The following TMEM177 variants were observed in gnomAD, a reference collection of about 807,000 sequenced individuals.
TMEM177 encodes transmembrane protein 177.
A neutral mutation model predicts 14.2 loss-of-function variants in TMEM177; 4 were observed. The observed-to-expected ratio is 0.28, with a 90% CI of 0.14 to 0.64. The LOEUF (loss-of-function observed/expected upper bound fraction) is 0.64, where lower values mean the gene tolerates loss of function less well. Among genes scored for constraint, TMEM177 ranks in the 30% least tolerant of loss-of-function variants. The probability of loss-of-function intolerance (pLI) is 0.82; values close to 1 mark genes in which losing one functional copy is unlikely to be tolerated. For missense variants in TMEM177, 344 were observed against 405.2 expected (o/e 0.85, Z 1.30); for synonymous variants, 179 against 174.5 (o/e 1.03, Z -0.20).
chr2:119,698,414 G>A, the TMEM177 span, among the ~76,000 whole-genome samples: 1 of 152,134 alleles, frequency 6.6e-6, no homozygotes, highest in Non-Finnish European at 1.5e-5. Flanking sequence ...TCAGCACACC[G>A]AAGCACCATA....
the TMEM177 span, among the ~76,000 whole-genome samples, chr2:119,693,830 A>G: frequency 3.0e-5 from 4 of 135,184 alleles, no homozygotes; most frequent in Admixed American, 7.6e-5. Context: ...ACACACAAAC[A>G]TACCACATAC....
the TMEM177 span, among the ~76,000 whole-genome samples, chr2:119,694,087 C>A: frequency 1.3e-5 from 2 of 148,684 alleles, no homozygotes; most frequent in Non-Finnish European, 3.0e-5. Flanking sequence ...ATACACACCA[C>A]ACACATGGCA....
At chr2:119,717,753 C>T in the TMEM177 span, among the ~76,000 whole-genome samples, 56 of 152,074 alleles carry the variant, frequency 3.7e-4, no homozygotes, top group African/African-American at 8.9e-4. Flanking sequence ...AGATTACAGG[C>T]GTGCGCCACC....
chr2:119,712,511 C>G, the TMEM177 span, among the ~76,000 whole-genome samples: 1 of 152,080 alleles, frequency 6.6e-6, no homozygotes, highest in African/African-American at 2.4e-5. Flanking sequence ...CACAGAGACA[C>G]CAGGGATGCA....
At chr2:119,698,016 A>C in the TMEM177 span, among the ~76,000 whole-genome samples, 7 of 152,166 alleles carry the variant, frequency 4.6e-5, no homozygotes, top group Admixed American at 4.6e-4. Context: ...TAAAAAGCAG[A>C]CAATAGCCTG....
chr2:119,722,291 C>T, the TMEM177 span, among the ~76,000 whole-genome samples: 1 of 150,766 alleles, frequency 6.6e-6, no homozygotes, highest in Non-Finnish European at 1.5e-5. Context: ...GATACGTGGA[C>T]ATATCACTTG....
the TMEM177 span, among the ~76,000 whole-genome samples, chr2:119,702,644 ACTTTT>A: frequency 2.6e-5 from 4 of 152,186 alleles, no homozygotes; most frequent in Non-Finnish European, 5.9e-5. Context: ...AAATAAAGTT[ACTTTT>A]CTTATTCACC....
chr2:119,700,887 C>G, the TMEM177 span, among the ~76,000 whole-genome samples: 1 of 152,204 alleles, frequency 6.6e-6, no homozygotes, highest in Non-Finnish European at 1.5e-5. Flanking sequence ...GTTTTGAGAT[C>G]TTTACATGCA....
At position 119,680,981 on chromosome 2, in the gene TMEM177, A is replaced by T. The variant is rs558166144; in HGVS notation, c.128A>T (p.Gln43Leu). 19 of 1,614,154 alleles carry T rather than the reference A, an allele frequency of 1.2e-5. No homozygotes were observed. The highest frequency in any genetic ancestry group is 1.5e-5 in the Non-Finnish European group (18 of 1,180,018). The change falls in exon 2 of 2, where the codon CAA (glutamine) becomes CTA (leucine). Residue 43 changes from glutamine (Q) to leucine (L), a missense_variant. Transcript: ENST00000272521. ...CACCTCTTCCCGGATCCCGTGGTCCAATGGCTCTACCAGTACTGGCCTCAG... is the reference window on the plus strand; with the variant it reads ...CACCTCTTCCCGGATCCCGTGGTCCTATGGCTCTACCAGTACTGGCCTCAG... ...SYHLFPDPVV[Q>L]WLYQYWPQGQ...
At chr2:119,705,958 A>G in the TMEM177 span, among the ~76,000 whole-genome samples, 1 of 124,730 alleles carries the variant, frequency 8.0e-6, no homozygotes, top group East Asian at 2.3e-4. Flanking sequence ...AATTGTGACA[A>G]TGCCAGGAAT....
chr2:119,702,322 C>T, the TMEM177 span, among the ~76,000 whole-genome samples: 1 of 152,150 alleles, frequency 6.6e-6, no homozygotes, highest in Non-Finnish European at 1.5e-5. Context: ...ACCAATGTAA[C>T]AAGTGAAGGG....
At chr2:119,706,943 G>A in the TMEM177 span, among the ~76,000 whole-genome samples, 20 of 151,874 alleles carry the variant, frequency 1.3e-4, no homozygotes, top group African/African-American at 4.3e-4. Flanking sequence ...AAGGAGTCTC[G>A]CACTGTCACT....
downstream of TMEM177, among the ~76,000 whole-genome samples, chr2:119,685,071 G>A (rs998868271): frequency 3.9e-5 from 6 of 152,126 alleles, no homozygotes; most frequent in East Asian, 9.7e-4. Context: ...CTTAGGCCTC[G>A]CCTCTCCCCA....
At chr2:119,716,733 G>T in the TMEM177 span, among the ~76,000 whole-genome samples, 59 of 152,286 alleles carry the variant, frequency 3.9e-4, no homozygotes, top group African/African-American at 1.3e-3. Context: ...GCAGAAGAGG[G>T]AAATGCAATT....
At chr2:119,703,049 G>A in the TMEM177 span, among the ~76,000 whole-genome samples, 77,938 of 151,834 alleles carry the variant, frequency 0.51, 20,802 homozygotes, top group East Asian at 0.65. Flanking sequence ...GGCCCAGGGC[G>A]TGGCCGGCTC....
the TMEM177 span, among the ~76,000 whole-genome samples, chr2:119,695,541 A>C: frequency 6.6e-6 from 1 of 151,558 alleles, no homozygotes; most frequent in Non-Finnish European, 1.5e-5. Context: ...TGGGTGGGGG[A>C]TATGGGAGAT....
the TMEM177 span, among the ~76,000 whole-genome samples, chr2:119,713,581 T>TA: frequency 6.6e-6 from 1 of 152,162 alleles, no homozygotes; most frequent in African/African-American, 2.4e-5. Flanking sequence ...GGCTCAAGCT[T>TA]ATAATCTCAG....
rs141502762 is a variant in TMEM177, at chr2:119,681,776, C to A, written c.923C>A (p.Pro308Gln). ...VLQMWRGMLNPGRS is the reference protein window; with the variant it reads ...VLQMWRGMLNQGRS ...CAGATGTGGAGGGGGATGCTCAATC[C>A]GGGCCGCTCCTGATGGGCTCATCAC... Residue 308 changes from proline to glutamine, a missense_variant, in exon 2 of 2, where the codon CCG (proline) becomes CAG (glutamine). Transcript: ENST00000272521. 6.2e-7 allele frequency: 1 copy of A among 1,612,852 alleles called. No homozygotes were observed. The highest frequency in any genetic ancestry group is 8.5e-7 in the Non-Finnish European group (1 of 1,179,168).
the TMEM177 span, among the ~76,000 whole-genome samples, chr2:119,713,889 C>T: frequency 6.6e-6 from 1 of 152,218 alleles, no homozygotes; most frequent in Non-Finnish European, 1.5e-5. Context: ...CTCTACCCTC[C>T]ACACCAGGGC....
Sources: gnomAD v4.1 joint callset for allele counts (sites outside exome capture counted in the v4.1 genomes callset) on GRCh38, gnomAD v4.1.1 for gene constraint, MANE v1.5 for transcripts, NCBI Gene and HGNC (gene_info 2026-07-23, HGNC 2026-07-21) for gene names.